The following CTPS1 variants were observed in gnomAD, a reference collection of about 807,000 sequenced individuals.
The protein encoded by CTPS1 is CTP synthetase 1.
Under a neutral mutation model 80.5 loss-of-function variants are expected in CTPS1, and 25 were observed. That is an observed-to-expected ratio of 0.31 (90% CI 0.23 to 0.43). The LOEUF (loss-of-function observed/expected upper bound fraction) is 0.43, where lower values mean the gene tolerates loss of function less well. CTPS1 is among the 20% of genes least tolerant of loss of function. The probability of loss-of-function intolerance (pLI) is 1.00; values close to 1 mark genes in which losing one functional copy is unlikely to be tolerated. For synonymous variants in CTPS1, 267 were observed against 252.5 expected (o/e 1.06, Z -0.54); for missense variants, 442 against 725.7 (o/e 0.61, Z 4.49).
At chr1:41,011,194 A>G (rs1383636772) in intron 18 of CTPS1, among the ~76,000 whole-genome samples, 1 of 152,222 alleles carries the variant, frequency 6.6e-6, no homozygotes, top group Non-Finnish European at 1.5e-5. Flanking sequence ...GTGGGTAGGC[A>G]TGAGAAGTTA....
intron 1 of CTPS1, chr1:40,980,989 G>T (rs1052677244): frequency 1.3e-5 from 2 of 152,404 alleles, no homozygotes; most frequent in Admixed American, 6.5e-5. Context: ...AACAGGAGCC[G>T]CCTGGATCCG....
chr1:40,998,925 C>T (rs1558155289), intron 9 of CTPS1, among the ~76,000 whole-genome samples: 1 of 152,200 alleles, frequency 6.6e-6, no homozygotes, highest in African/African-American at 2.4e-5. Context: ...GCCCTGACTT[C>T]TTATTTGCTA....
intron 5 of CTPS1, among the ~76,000 whole-genome samples, chr1:40,989,950 AG>A (rs1361622922): frequency 6.6e-6 from 1 of 152,230 alleles, no homozygotes; most frequent in Non-Finnish European, 1.5e-5. Context: ...GTAAAATTAG[AG>A]GACTGGCTCA....
At position 40,983,386 on chromosome 1, in the gene CTPS1, A is replaced by G; in HGVS notation, c.96A>G (p.Leu32=). ...GCACAATACTCAAGTCATGTGGTTTACATGTAACTTCAATCAAAATTGACC... is the reference window on the plus strand; with the variant it reads ...GCACAATACTCAAGTCATGTGGTTTGCATGTAACTTCAATCAAAATTGACC... ...SVGTILKSCG[L]HVTSIKIDPY... Residue 32 remains leucine, a synonymous_variant, in exon 2 of 19, where the codon TTA becomes TTG. Transcript: ENST00000650070. 6.2e-7 allele frequency: 1 copy of G among 1,614,086 alleles called. No individual in the cohort carries two copies. The highest frequency in any genetic ancestry group is 8.5e-7 in the Non-Finnish European group (1 of 1,179,956).
Sources: gnomAD v4.1 joint callset for allele counts (sites outside exome capture counted in the v4.1 genomes callset) on GRCh38, gnomAD v4.1.1 for gene constraint, MANE v1.5 for transcripts, NCBI Gene and HGNC (gene_info 2026-07-23, HGNC 2026-07-21) for gene names.